Variants in ORMDL1 observed in about 807,000 individuals in gnomAD.
The protein encoded by ORMDL1 is ORMDL sphingolipid biosynthesis regulator 1.
A neutral mutation model predicts 13.0 loss-of-function variants in ORMDL1; 10 were observed. The ratio of observed to expected loss-of-function variants is 0.77; its 90% CI spans 0.47 to 1.30. ORMDL1 has a LOEUF of 1.30. Among genes scored for constraint, ORMDL1 ranks in the 50% most tolerant of loss-of-function variants. The probability of loss-of-function intolerance (pLI) is 0.00; values close to 1 mark genes in which losing one functional copy is unlikely to be tolerated. For synonymous variants in ORMDL1, 61 were observed against 63.9 expected (o/e 0.95, Z 0.22); for missense variants, 171 against 186.7 (o/e 0.92, Z 0.49).
chr2:189,771,955 G>T, intron 4 of ORMDL1, 53 bp from the exon 5 acceptor site: 1 of 1,313,218 alleles, frequency 7.6e-7, no homozygotes, highest in South Asian at 1.8e-5. Context: ...AAAATTACTT[G>T]GAACTTAAAC....
intron 3 of ORMDL1, among the ~76,000 whole-genome samples, chr2:189,779,569 C>A (rs2047777097): frequency 6.6e-6 from 1 of 152,178 alleles, no homozygotes; most frequent in Admixed American, 6.5e-5. Flanking sequence ...CTTGTTTCTG[C>A]ACTGTTATCA....
At position 189,771,720 on chromosome 2, in the gene ORMDL1, A is replaced by T. The variant is rs375899906; in HGVS notation, c.*47T>A. 6.7e-7 allele frequency: 1 copy of T among 1,500,114 alleles called. No homozygotes were observed. Among genetic ancestry groups the T allele is most frequent in the Admixed American group, 2.1e-5 (1 of 48,510 alleles). 92.9% of individuals were successfully genotyped at this position (1,500,114 alleles called of 1,614,324 possible). A position where few individuals can be genotyped will look rare whatever the true frequency, so the allele number is the denominator to read the frequency against. ...GCAGTTTACTAACCACTCCTTCCTT[A>T]TAAGAAATTCAGTAGCTGTAAAATT... On this transcript the variant is annotated 3_prime_UTR_variant, in exon 5 of 5. Coordinates refer to ENST00000392349, the MANE Select transcript of ORMDL1 (RefSeq NM_016467.5).
At chr2:189,780,118 T>G (rs1157424717) in intron 3 of ORMDL1, among the ~76,000 whole-genome samples, 2 of 152,172 alleles carry the variant, frequency 1.3e-5, no homozygotes, top group African/African-American at 4.8e-5. Context: ...AAACATGAAA[T>G]TCATTTATGT....
chr2:189,777,220 G>A (rs1259800578), intron 3 of ORMDL1, among the ~76,000 whole-genome samples: 1 of 152,154 alleles, frequency 6.6e-6, no homozygotes, highest in Non-Finnish European at 1.5e-5. Flanking sequence ...CTCGGAATAA[G>A]CACTGGGACA....
Position 189,771,739 on chromosome 2 carries a change from T to TA in ORMDL1, c.*27dup, listed in dbSNP as rs989631108. Reference sequence around the variant, plus strand: ...TTCCTTATAAGAAATTCAGTAGCTGTAAAATTTTTTTTCAGTTTCAAAACA... The same window carrying TA: ...TTCCTTATAAGAAATTCAGTAGCTGTAAAAATTTTTTTTCAGTTTCAAAACA... On this transcript the variant is annotated 3_prime_UTR_variant, in exon 5 of 5. Transcript: ENST00000392349. 2.6e-6 allele frequency: 4 copies of TA among 1,560,930 alleles called. No individual in the cohort carries two copies. The African/African-American group carries it at 4.2e-5, about 16-fold the overall frequency.
chr2:189,778,882 G>C (rs999215771), intron 3 of ORMDL1, among the ~76,000 whole-genome samples: 3 of 152,062 alleles, frequency 2.0e-5, no homozygotes, highest in Non-Finnish European at 2.9e-5. Context: ...ATGACACAGA[G>C]AGACTCCATC....
chr2:189,775,297 G>A, intron 4 of ORMDL1: 1 of 293,844 alleles, frequency 3.4e-6, no homozygotes, highest in East Asian at 6.1e-5. Context: ...CTAAGGACGG[G>A]AGCTGGAATA....
rs755851555 is a variant in ORMDL1 at position 189,771,735 on chromosome 2, G to C, written c.*32C>G. On this transcript the variant is annotated 3_prime_UTR_variant, in exon 5 of 5. Transcript: ENST00000392349. ...CTCCTTCCTTATAAGAAATTCAGTA[G>C]CTGTAAAATTTTTTTTCAGTTTCAA... 6.5e-7 allele frequency: 1 copy of C among 1,542,534 alleles called. No homozygotes were observed. Among genetic ancestry groups the C allele is most frequent in the Admixed American group, 2.0e-5 (1 of 48,950 alleles).
chr2:189,774,960 G>A (rs1175899287), intron 4 of ORMDL1: 1 of 152,144 alleles, frequency 6.6e-6, no homozygotes, highest in Admixed American at 6.5e-5. Flanking sequence ...TTAGATACCA[G>A]ATACAGGTTA....
intron 2 of ORMDL1, 112 bp from the exon 3 acceptor site, chr2:189,782,714 T>G (rs1477928275): frequency 1.1e-6 from 1 of 943,174 alleles, no homozygotes; most frequent in African/African-American, 1.6e-5. Context: ...CTAGTTACTT[T>G]GAAGTAGCAC....
downstream of ORMDL1, among the ~76,000 whole-genome samples, chr2:189,766,271 C>A (rs1284945843): frequency 6.6e-6 from 1 of 152,188 alleles, no homozygotes; most frequent in Non-Finnish European, 1.5e-5. Context: ...TACAAATTAA[C>A]TTTTCTGAAC....
intron 3 of ORMDL1, among the ~76,000 whole-genome samples, chr2:189,779,997 T>C (rs1041717781): frequency 9.9e-5 from 15 of 152,198 alleles, no homozygotes; most frequent in African/African-American, 2.4e-5. Context: ...AGGTTGAGTA[T>C]TCCTTATCCA....
intron 3 of ORMDL1, among the ~76,000 whole-genome samples, chr2:189,780,906 T>C (rs979671989): frequency 3.9e-5 from 6 of 152,178 alleles, no homozygotes; most frequent in African/African-American, 1.4e-4. Context: ...CTCCAGAAGA[T>C]AGAAAATAAA....
rs571356294 is a variant in ORMDL1, at chr2:189,775,648, C to G, written c.243G>C (p.Arg81Ser). 1.9e-6 allele frequency: 3 copies of G among 1,613,958 alleles called. No homozygotes were observed. The highest frequency in any genetic ancestry group is 2.2e-5 in the East Asian group (1 of 44,854). ...PFETPDQGKA[R>S]LLTHWEQLDY... Reference sequence around the variant, plus strand: ...CCAGTTGTTCCCAATGAGTTAGGAGCCTTGCTTTACCCTGGTCAGGAGTTT... The same window carrying G: ...CCAGTTGTTCCCAATGAGTTAGGAGGCTTGCTTTACCCTGGTCAGGAGTTT... The change falls in exon 4 of 5, where the codon AGG becomes AGC. Residue 81 changes from arginine to serine, a missense_variant. Coordinates refer to ENST00000392349, the MANE Select transcript of ORMDL1 (RefSeq NM_016467.5).
chr2:189,784,247 C>CGCG (rs2048033657), intron 1 of ORMDL1, 22 bp downstream of exon 1: 1 of 152,438 alleles, frequency 6.6e-6, no homozygotes, highest in Admixed American at 6.5e-5. Flanking sequence ...GTACAGCGTC[C>CGCG]ACCGCGTTCG....
chr2:189,766,705 C>A (rs1037122875), downstream of ORMDL1, among the ~76,000 whole-genome samples: 2 of 145,436 alleles, frequency 1.4e-5, no homozygotes. Context: ...GCCTAGGCAA[C>A]AGAAGGAGAC....
intron 3 of ORMDL1, chr2:189,778,414 A>G: frequency 2.2e-6 from 1 of 455,648 alleles, no homozygotes; most frequent in Non-Finnish European, 4.4e-6. Flanking sequence ...GGACTAACTT[A>G]TTCGGCAAAC....
Position 189,775,805 on chromosome 2 carries a change from G to A in ORMDL1, c.175-89C>T, listed in dbSNP as rs576174686. On this transcript the variant is annotated intron_variant, in intron 3 of 4. Coordinates refer to ENST00000392349, the MANE Select transcript of ORMDL1 (RefSeq NM_016467.5). ...GCATTAACGAGGTTCCAAGCTGTTT[G>A]TGAGAGTGTGTGATTTAACTGAGTT... is the stretch of plus-strand genomic sequence containing the variant. 2.7e-5 allele frequency: 34 copies of A among 1,258,164 alleles called. 1 individual carries two copies. In the South Asian group the frequency reaches 5.6e-4, roughly 21 times the overall value. The allele number at this position is 1,258,164 out of a possible 1,614,324, so 77.9% of individuals were successfully genotyped here.
At chr2:189,768,379 T>A (rs1209972921), downstream of ORMDL1, among the ~76,000 whole-genome samples, 1 of 152,210 alleles carries the variant, frequency 6.6e-6, no homozygotes, top group Non-Finnish European at 1.5e-5. Context: ...GTTACTCCAT[T>A]TGTGTTCTTC....
Sources: allele counts gnomAD v4.1 joint callset (sites outside exome capture counted in the v4.1 genomes callset), GRCh38; gene constraint gnomAD v4.1.1; transcripts MANE v1.5; gene names NCBI Gene and HGNC (gene_info 2026-07-23, HGNC 2026-07-21).